NRIP1: variants seen among roughly 807,000 people sequenced by gnomAD.
NRIP1 encodes nuclear receptor-interacting protein 1.
A neutral mutation model predicts 75.0 loss-of-function variants in NRIP1; 28 were observed. The ratio of observed to expected loss-of-function variants is 0.37; its 90% CI spans 0.28 to 0.51. The LOEUF (loss-of-function observed/expected upper bound fraction) is 0.51, where lower values mean the gene tolerates loss of function less well. Among genes scored for constraint, NRIP1 ranks in the 20% least tolerant of loss-of-function variants. The pLI is 0.92. For synonymous variants in NRIP1, 526 were observed against 487.6 expected (o/e 1.08, Z -1.04); for missense variants, 1,435 against 1,343.7 (o/e 1.07, Z -1.06).
intron 1 of NRIP1, chr21:15,050,786 G>A (rs2089184058): frequency 2.2e-6 from 1 of 455,928 alleles, no homozygotes; most frequent in Non-Finnish European, 4.4e-6. Context: ...GAAGGCAAAG[G>A]ACTCAGCGTG....
intron 1 of NRIP1, among the ~76,000 whole-genome samples, chr21:15,052,654 T>C (rs927445156): frequency 2.0e-5 from 3 of 152,214 alleles, no homozygotes; most frequent in Admixed American, 6.5e-5. Flanking sequence ...TCACGCAGCA[T>C]ATCTTTTCAA....
chr21:14,981,140 G>T (rs2087221654), intron 3 of NRIP1, among the ~76,000 whole-genome samples: 1 of 152,160 alleles, frequency 6.6e-6, no homozygotes. Flanking sequence ...AATACTACAT[G>T]CACAATGTAC....
rs1390700882 is a variant in NRIP1, at chr21:14,961,250, C to T, written c.*3466G>A. The T allele has an allele frequency of 2.0e-5, 3 of 152,370 alleles. No individual in the cohort carries two copies. The highest frequency in any genetic ancestry group is 4.4e-5 in the Non-Finnish European group (3 of 67,894). The allele number at this position is 152,370 out of a possible 1,614,324, so 9.4% of individuals were successfully genotyped here. A position where few individuals can be genotyped will look rare whatever the true frequency, so the allele number is the denominator to read the frequency against. On this transcript the variant is annotated 3_prime_UTR_variant, in exon 4 of 4. Coordinates refer to ENST00000318948, the MANE Select transcript of NRIP1 (RefSeq NM_003489.4). ...TCAAACCAGAGACAATGCATTTTTT[C>T]TCATTTATTCAAATTCACTGCAGGA...
Position 14,992,026 on chromosome 21 carries a change from G to A in NRIP1, c.-335+22318C>T, listed in dbSNP as rs75627228. On this transcript the variant is annotated intron_variant, in intron 3 of 3. Transcript: ENST00000318948. ...TCTAAATATTGTACACAGCCCAAAGGAAGTCAGTCTTGTTTTGTTTTGTAT... is the reference window on the plus strand; with the variant it reads ...TCTAAATATTGTACACAGCCCAAAGAAAGTCAGTCTTGTTTTGTTTTGTAT... Among the ~76,000 whole-genome samples, 2,827 of 151,976 alleles carry A rather than the reference G, an allele frequency of 0.019. 244 individuals are homozygous for A. In the East Asian group the frequency reaches 0.28, roughly 15 times the overall value.
chr21:15,045,506 A>C (rs552997790), intron 1 of NRIP1, among the ~76,000 whole-genome samples: 3 of 152,354 alleles, frequency 2.0e-5, no homozygotes, highest in South Asian at 2.1e-4. Flanking sequence ...AATCATGTGA[A>C]TCTTTAGAGA....
chr21:14,965,011 A>T lies in NRIP1; in HGVS notation c.3182T>A (p.Leu1061Ter). 6.2e-7 allele frequency: 1 copy of T among 1,613,958 alleles called. No individual in the cohort carries two copies. The highest frequency in any genetic ancestry group is 1.1e-5 in the South Asian group (1 of 91,070). The change falls in exon 4 of 4, where the codon TTG becomes TAG. Residue 1061 changes from leucine to a stop codon, truncating the protein, a stop_gained. Transcript: ENST00000318948. LOFTEE classifies it high-confidence loss of function. ...KNEYEKDSPR[L>*]TKTNPILYYM... ...ATATAGTATTGGGTTGGTTTTGGTCAATCTTGGAGAGTCTTTTTCATACTC... is the reference window on the plus strand; with the variant it reads ...ATATAGTATTGGGTTGGTTTTGGTCTATCTTGGAGAGTCTTTTTCATACTC...
intron 1 of NRIP1, among the ~76,000 whole-genome samples, chr21:15,053,739 T>C (rs2089249855): frequency 6.6e-6 from 1 of 152,294 alleles, no homozygotes; most frequent in Admixed American, 6.5e-5. Context: ...CATTAGCTTG[T>C]TCCTTTTTGC....
chr21:15,065,375 C>T (rs1288443996), upstream of NRIP1, among the ~76,000 whole-genome samples: 1 of 152,010 alleles, frequency 6.6e-6, no homozygotes, highest in African/African-American at 2.4e-5. Flanking sequence ...CCGCCCGCGA[C>T]CGCTGCAGGC....
intron 1 of NRIP1, chr21:15,051,937 C>T (rs1180868883): frequency 1.3e-5 from 2 of 152,234 alleles, no homozygotes; most frequent in African/African-American, 2.4e-5. Context: ...CTCCTGCTCT[C>T]CCTTAATTAA....
chr21:15,033,224 C>CAAAA (rs11379755), intron 2 of NRIP1, among the ~76,000 whole-genome samples: 1 of 110,580 alleles, frequency 9.0e-6, no homozygotes, highest in African/African-American at 3.5e-5. Context: ...GACTCTGTCT[C>CAAAA]AAAAAAAAAA....
chr21:14,976,669 A>G (rs776724942), intron 3 of NRIP1, among the ~76,000 whole-genome samples: 1 of 152,188 alleles, frequency 6.6e-6, no homozygotes, highest in African/African-American at 2.4e-5. Flanking sequence ...ACTTCTACAC[A>G]CTTTAAAATG....
At chr21:15,001,665 C>T (rs2087852785) in intron 3 of NRIP1, among the ~76,000 whole-genome samples, 1 of 152,120 alleles carries the variant, frequency 6.6e-6, no homozygotes, top group South Asian at 2.1e-4. Context: ...GTAAACAACA[C>T]ATTTCTTAAT....
chr21:15,009,613 A>T (rs2088053669), intron 3 of NRIP1, among the ~76,000 whole-genome samples: 1 of 152,250 alleles, frequency 6.6e-6, no homozygotes, highest in Non-Finnish European at 1.5e-5. Flanking sequence ...AAGCTTCAGT[A>T]TTCTTCAGAA....
intron 3 of NRIP1, among the ~76,000 whole-genome samples, chr21:14,995,918 C>A (rs557595790): frequency 2.0e-5 from 3 of 152,260 alleles, no homozygotes; most frequent in Non-Finnish European, 1.5e-5. Flanking sequence ...AGAATAAAGT[C>A]TGAATTCCTT....
chr21:14,988,497 A>ATGTGTGTG (rs1370123141), intron 3 of NRIP1, among the ~76,000 whole-genome samples: 1,798 of 141,882 alleles, frequency 0.013, 17 homozygotes, highest in South Asian at 0.021. Context: ...TAGTATATAT[A>ATGTGTGTG]TATGTGTGTG....
At chr21:15,042,374 G>A (rs2088975627) in intron 2 of NRIP1, among the ~76,000 whole-genome samples, 1 of 152,236 alleles carries the variant, frequency 6.6e-6, no homozygotes, top group Admixed American at 6.5e-5. Context: ...CGAATATTAA[G>A]AAGGATGCCT....
At chr21:14,994,416 T>C (rs1396914152) in intron 3 of NRIP1, among the ~76,000 whole-genome samples, 3 of 152,174 alleles carry the variant, frequency 2.0e-5, no homozygotes, top group Non-Finnish European at 4.4e-5. Flanking sequence ...AATTGCAAGA[T>C]TTTTATGCTA....
chr21:15,018,961 A>G (rs1239622345), intron 2 of NRIP1, among the ~76,000 whole-genome samples: 2 of 152,088 alleles, frequency 1.3e-5, no homozygotes, highest in Non-Finnish European at 2.9e-5. Flanking sequence ...GCTGTAGTAT[A>G]TAATACAGCT....
chr21:15,001,445 T>C (rs1443916504), intron 3 of NRIP1, among the ~76,000 whole-genome samples: 1 of 152,194 alleles, frequency 6.6e-6, no homozygotes, highest in Non-Finnish European at 1.5e-5. Context: ...CTAATCCCTA[T>C]CACAGATATT....
Sources: allele counts gnomAD v4.1 joint callset (sites outside exome capture counted in the v4.1 genomes callset), GRCh38; gene constraint gnomAD v4.1.1; transcripts MANE v1.5; gene names NCBI Gene and HGNC (gene_info 2026-07-23, HGNC 2026-07-21).